The following DNAH9 variants were observed in gnomAD, a reference collection of about 807,000 sequenced individuals.
The protein encoded by DNAH9 is DNAH9 variant protein.
A neutral mutation model predicts 471.6 loss-of-function variants in DNAH9; 345 were observed. The observed-to-expected ratio is 0.73, with a 90% CI of 0.67 to 0.80. DNAH9 has a LOEUF of 0.80. Ranked by LOEUF, DNAH9 falls within the 30% of genes least tolerant of loss-of-function variation. The pLI, the probability that DNAH9 is intolerant of heterozygous loss-of-function variation, is 0.00. For missense variants in DNAH9, 5,407 were observed against 5,609.2 expected (o/e 0.96, Z 1.15); for synonymous variants, 2,093 against 2,123.6 (o/e 0.99, Z 0.40).
intron 10 of DNAH9, among the ~76,000 whole-genome samples, chr17:11,642,358 G>A (rs1419353459): frequency 1.3e-5 from 2 of 151,886 alleles, no homozygotes; most frequent in African/African-American, 2.4e-5. Context: ...GGCCAACATG[G>A]TGAAACCCAT....
intron 59 of DNAH9, among the ~76,000 whole-genome samples, chr17:11,901,828 C>G (rs1397397092): frequency 6.6e-6 from 1 of 152,216 alleles, no homozygotes; most frequent in Non-Finnish European, 1.5e-5. Flanking sequence ...CAAAGCCGTC[C>G]TAGGCCGCAT....
At position 11,883,602 on chromosome 17, in the gene DNAH9, A is replaced by C; in HGVS notation, c.10823A>C (p.Gln3608Pro). 6.2e-7 allele frequency: 1 copy of C among 1,614,142 alleles called. No homozygotes were observed. The highest frequency in any genetic ancestry group is 2.2e-5 in the East Asian group (1 of 44,862). ...LEQLKSDLTK[Q>P]QNGFKITLKT... ...TATTTGCAGTCCGATCTCACAAAGCAGCAGAATGGATTCAAAATTACCCTG... is the reference window on the plus strand; with the variant it reads ...TATTTGCAGTCCGATCTCACAAAGCCGCAGAATGGATTCAAAATTACCCTG... Residue 3608 changes from glutamine to proline, a missense_variant, in exon 56 of 69, where the codon CAG becomes CCG. This residue lies in a region of DNAH9 where 4,636 missense variants were observed against 4,900.3 expected (regional missense o/e 0.95). Coordinates refer to ENST00000262442, the MANE Select transcript of DNAH9 (RefSeq NM_001372.4).
intron 50 of DNAH9, among the ~76,000 whole-genome samples, chr17:11,862,701 A>G (rs969887346): frequency 6.6e-6 from 1 of 152,190 alleles, no homozygotes; most frequent in African/African-American, 2.4e-5. Context: ...TTCATTGAGC[A>G]GTGGTTTGTA....
Position 11,766,737 on chromosome 17 carries a change from G to T in DNAH9, c.7171-1716G>T, listed in dbSNP as rs534357421. ...CCCAGCACTTTGGGAGGCCAAGGCG[G>T]GTGGATCATGAGGTCCGTAGTTCAA... On this transcript the variant is annotated intron_variant, in intron 36 of 68. Coordinates refer to ENST00000262442, the MANE Select transcript of DNAH9 (RefSeq NM_001372.4). Among the ~76,000 whole-genome samples, 525 of 152,282 alleles carry T rather than the reference G, an allele frequency of 3.4e-3. 2 individuals are homozygous for T. Among genetic ancestry groups the T allele is most frequent in the Non-Finnish European group, 5.6e-3 (382 of 68,020 alleles).
At chr17:11,956,753 T>C (rs931013071) in intron 67 of DNAH9, among the ~76,000 whole-genome samples, 6 of 151,700 alleles carry the variant, frequency 4.0e-5, no homozygotes, top group Admixed American at 3.3e-4. Flanking sequence ...TAAAAATATA[T>C]AAAATTGGTA....
rs112723449 is a variant in DNAH9, at chr17:11,602,198, T to A, written c.417+3283T>A. On this transcript the variant is annotated intron_variant, in intron 1 of 68. Coordinates refer to ENST00000262442, the MANE Select transcript of DNAH9 (RefSeq NM_001372.4). ...GTCAAATTCTGGTTAAATTCAGCAG[T>A]GTGATGTGAGCAGATGTGCTCACTC... 5.0e-3 allele frequency among the ~76,000 whole-genome samples: 762 copies of A among 152,250 alleles called. 8 individuals carry two copies. The highest frequency in any genetic ancestry group is 0.017 in the African/African-American group (725 of 41,546).
intron 6 of DNAH9, among the ~76,000 whole-genome samples, chr17:11,625,076 GCACACA>G (rs3039431): frequency 2.0e-5 from 3 of 150,044 alleles, no homozygotes; most frequent in Non-Finnish European, 4.5e-5. Context: ...ATGCATCAGT[GCACACA>G]CACACACACA....
chr17:11,858,930 C>G (rs1368316155), intron 50 of DNAH9, among the ~76,000 whole-genome samples: 2 of 151,732 alleles, frequency 1.3e-5, no homozygotes, highest in African/African-American at 4.8e-5. Context: ...ACTAAAAATA[C>G]AAAATTAACC....
intron 56 of DNAH9, among the ~76,000 whole-genome samples, chr17:11,884,808 G>C (rs1210184484): frequency 6.6e-6 from 1 of 152,136 alleles, no homozygotes; most frequent in Non-Finnish European, 1.5e-5. Flanking sequence ...AATTACGGTA[G>C]AGCTGCCACT....
chr17:11,732,646 C>CA (rs34511036), intron 28 of DNAH9, among the ~76,000 whole-genome samples: 115,963 of 151,404 alleles, frequency 0.77, 45,348 homozygotes, highest in Admixed American at 0.87. Flanking sequence ...GTGTCAATTC[C>CA]AAAAAAAAAT....
intron 49 of DNAH9, among the ~76,000 whole-genome samples, chr17:11,845,110 T>G (rs1704285134): frequency 6.6e-6 from 1 of 151,520 alleles, no homozygotes; most frequent in Admixed American, 6.6e-5. Flanking sequence ...ACCCACTAAC[T>G]CGTCATCTAG....
intron 6 of DNAH9, among the ~76,000 whole-genome samples, chr17:11,620,841 G>A (rs2072843826): frequency 6.6e-6 from 1 of 152,110 alleles, no homozygotes; most frequent in Non-Finnish European, 1.5e-5. Flanking sequence ...AAACGAATGA[G>A]TCCCTGTGCA....
chr17:11,885,930 A>G (rs1261512162), intron 56 of DNAH9, among the ~76,000 whole-genome samples: 4 of 152,238 alleles, frequency 2.6e-5, no homozygotes, highest in Non-Finnish European at 5.9e-5. Flanking sequence ...ATTTTGGAGC[A>G]TAAGGGCAGA....
In DNAH9 at chr17:11,822,423, C is replaced by G. The variant is rs753900961; in HGVS notation, c.8851-15C>G. On this transcript the variant is annotated splice_polypyrimidine_tract_variant and intron_variant, in intron 46 of 68. Coordinates refer to ENST00000262442, the MANE Select transcript of DNAH9 (RefSeq NM_001372.4). ...TGATGCCTTCCTGGTTCTCCCCACC[C>G]TTCTGACTTCTCAGGTGACTCTCTG... is the stretch of plus-strand genomic sequence containing the variant. 2 of 1,614,070 alleles carry G rather than the reference C, an allele frequency of 1.2e-6. No homozygotes were observed. Among genetic ancestry groups the G allele is most frequent in the Non-Finnish European group, 8.5e-7 (1 of 1,179,970 alleles).
chr17:11,956,247 A>C (rs2151446007), intron 67 of DNAH9, among the ~76,000 whole-genome samples: 1 of 152,358 alleles, frequency 6.6e-6, no homozygotes, highest in East Asian at 1.9e-4. Context: ...ATTACCATGG[A>C]TGAAGAGGAG....
At chr17:11,866,345 C>T (rs1481769045) in intron 50 of DNAH9, among the ~76,000 whole-genome samples, 1 of 152,074 alleles carries the variant, frequency 6.6e-6, no homozygotes, top group Non-Finnish European at 1.5e-5. Flanking sequence ...TTTCTTGAAC[C>T]GCGAATGCTG....
chr17:11,603,811 A>G (rs988111651), intron 1 of DNAH9, among the ~76,000 whole-genome samples: 3 of 152,156 alleles, frequency 2.0e-5, no homozygotes, highest in African/African-American at 7.2e-5. Flanking sequence ...GAATAAAATA[A>G]CGTGTCAATG....
At chr17:11,844,240 G>T (rs1201386333) in intron 49 of DNAH9, among the ~76,000 whole-genome samples, 1 of 151,982 alleles carries the variant, frequency 6.6e-6, no homozygotes, top group Non-Finnish European at 1.5e-5. Flanking sequence ...TTAAATTTCT[G>T]TAGATCACAA....
chr17:11,718,601 A>G (rs2075005010), intron 26 of DNAH9, among the ~76,000 whole-genome samples: 1 of 152,246 alleles, frequency 6.6e-6, no homozygotes, highest in South Asian at 2.1e-4. Context: ...GAGTCCCAAA[A>G]GGATTAAATG....
Sources: allele counts gnomAD v4.1 joint callset (sites outside exome capture counted in the v4.1 genomes callset), GRCh38; gene constraint gnomAD v4.1.1; regional missense constraint gnomAD v4.1.1; transcripts MANE v1.5; gene names NCBI Gene and HGNC (gene_info 2026-07-23, HGNC 2026-07-21).